The following STRA6 variants were observed in gnomAD, a reference collection of about 807,000 sequenced individuals.
The protein encoded by STRA6 is signaling receptor and transporter of retinol STRA6, also known as receptor for retinol uptake STRA6.
Under a neutral mutation model 83.6 loss-of-function variants are expected in STRA6, and 48 were observed. That is an observed-to-expected ratio of 0.57 (90% confidence interval 0.46 to 0.73). The LOEUF (loss-of-function observed/expected upper bound fraction) is 0.73, where lower values mean the gene tolerates loss of function less well. Among genes scored for constraint, STRA6 ranks in the 30% least tolerant of loss-of-function variants. The pLI is 0.00. For missense variants in STRA6, 760 were observed against 838.8 expected, an observed-to-expected ratio of 0.91 and a Z score of 1.16; for synonymous variants, 353 against 362.3, an observed-to-expected ratio of 0.97 and a Z score of 0.29.
Position 74,183,754 on chromosome 15 carries a change from C to T in STRA6, c.1300+102G>A, listed in dbSNP as rs148978553. ...CTGCCCCAGAGCATTCCCAGACAAACTCTGAGGGCAGTACTTGCTGAGCAC... is the reference window on the plus strand; with the variant it reads ...CTGCCCCAGAGCATTCCCAGACAAATTCTGAGGGCAGTACTTGCTGAGCAC... On this transcript the variant is annotated intron_variant, in intron 14 of 18. Coordinates refer to ENST00000395105, the MANE Select transcript of STRA6 (RefSeq NM_022369.4). 8.7e-6 allele frequency: 14 copies of T among 1,604,214 alleles called. 1 individual carries two copies. Among genetic ancestry groups the T allele is most frequent in the Middle Eastern group, 4.0e-4 (2 of 4,980 alleles).
At position 74,184,829 on chromosome 15, in the gene STRA6, A is replaced by T. The variant is rs1451605771; in HGVS notation, c.1166+151T>A. ...GCAGGACCCAGCCCCACCTTCTCCC[A>T]CTGCAGCGCAGCCACGCACAGGTGG... On this transcript the variant is annotated intron_variant, in intron 13 of 18. Transcript: ENST00000395105. 11 of 752,174 alleles carry T rather than the reference A, an allele frequency of 1.5e-5. No homozygotes were observed. In the East Asian group the frequency reaches 2.8e-4, roughly 19 times the overall value. 46.6% of individuals were successfully genotyped at this position (752,174 alleles called of 1,614,324 possible). A position where few individuals can be genotyped will look rare whatever the true frequency, so the allele number is the denominator to read the frequency against.
At chr15:74,201,965 C>G (rs1215621321) in intron 2 of STRA6, among the ~76,000 whole-genome samples, 190 bp downstream of exon 2, 1 of 152,152 alleles carries the variant, frequency 6.6e-6, no homozygotes, top group Non-Finnish European at 1.5e-5. Flanking sequence ...GGATGTTGTT[C>G]TCATGTAACA....
Position 74,180,191 on chromosome 15 carries a change from C to G in STRA6, c.1893G>C (p.Gly631=), listed in dbSNP as rs2072906541. Residue 631 remains glycine (G), a synonymous_variant, in exon 19 of 19, where the codon GGG becomes GGC. Transcript: ENST00000395105. ...KDSMAKGARP[G]ASRGRARWGL... is the part of the protein sequence containing the mutation. ...CCCAGCGAGCCCTGCCGCGGCTGGCCCCGGGCCTAGCTCCCTTGGCCATGG... is the reference window on the plus strand; with the variant it reads ...CCCAGCGAGCCCTGCCGCGGCTGGCGCCGGGCCTAGCTCCCTTGGCCATGG... 6.2e-7 allele frequency: 1 copy of G among 1,614,034 alleles called. No homozygotes were observed. The highest frequency in any genetic ancestry group is 1.1e-5 in the South Asian group (1 of 91,074).
At chr15:74,185,539 G>A (rs1481454240) in intron 12 of STRA6, among the ~76,000 whole-genome samples, 1 of 152,242 alleles carries the variant, frequency 6.6e-6, no homozygotes, top group Non-Finnish European at 1.5e-5. Flanking sequence ...GGCATAGAGG[G>A]TGTGAGTCCA....
chr15:74,182,642 C>T (rs569773247), intron 14 of STRA6, 182 bp from the exon 15 acceptor site: 1 of 604,580 alleles, frequency 1.7e-6, no homozygotes, highest in Non-Finnish European at 2.9e-6. Flanking sequence ...TCAGTTTCTT[C>T]CTCTGTAAAA....
intron 14 of STRA6, chr15:74,183,616 G>A (rs2073098687): frequency 2.5e-5 from 34 of 1,377,616 alleles, no homozygotes; most frequent in Non-Finnish European, 3.1e-5. Flanking sequence ...GTGGCACCCA[G>A]GGTTCATCTC....
rs556414437 is a variant in STRA6 at position 74,191,319 on chromosome 15, A to C, written c.789-76T>G. 5.7e-4 allele frequency: 918 copies of C among 1,608,716 alleles called. 9 individuals are homozygous for C. The highest frequency in any genetic ancestry group is 2.5e-4 in the Non-Finnish European group (291 of 1,176,158). The stretch of plus-strand genomic sequence containing the variant: ...TGAGGGCCAGCCCCAGAGGCTGGTC[A>C]TTCTTCCCCTCTGCCCCTGCCATGC... On this transcript the variant is annotated intron_variant, in intron 9 of 18. Coordinates refer to ENST00000395105, the MANE Select transcript of STRA6 (RefSeq NM_022369.4).
At chr15:74,201,497 T>C (rs1397046241) in intron 2 of STRA6, among the ~76,000 whole-genome samples, 5 of 152,120 alleles carry the variant, frequency 3.3e-5, no homozygotes, top group Non-Finnish European at 7.4e-5. Flanking sequence ...CCCGGTAGAA[T>C]GGACCCAGGC....
chr15:74,198,295 G>C (rs1238650503), intron 2 of STRA6, among the ~76,000 whole-genome samples: 3 of 151,846 alleles, frequency 2.0e-5, no homozygotes, highest in Admixed American at 1.3e-4. Flanking sequence ...ATTTTTAGTA[G>C]AGACAGGGCC....
chr15:74,182,285 G>C lies in STRA6; in HGVS notation c.1419-23C>G, dbSNP rs1872472. On this transcript the variant is annotated intron_variant, in intron 15 of 18. Transcript: ENST00000395105. ...GGCCTGCCAGTGGGGTGGGGAGGTG[G>C]TCGCTGTTAGCGGACCTCTAAGGAG... 13,806 of 1,614,052 alleles carry C rather than the reference G, an allele frequency of 8.6e-3. 81 individuals are homozygous for C. The highest frequency in any genetic ancestry group is 0.01 in the Non-Finnish European group (12,281 of 1,179,944).
chr15:74,199,932 AG>A (rs1194346519), intron 2 of STRA6, among the ~76,000 whole-genome samples: 2 of 152,138 alleles, frequency 1.3e-5, no homozygotes, highest in African/African-American at 4.8e-5. Context: ...AAAAATGGTT[AG>A]TGGCTGGGAG....
At chr15:74,206,220 T>C (rs1465907033), upstream of STRA6, among the ~76,000 whole-genome samples, 1 of 152,126 alleles carries the variant, frequency 6.6e-6, no homozygotes, top group African/African-American at 2.4e-5. Flanking sequence ...TGCCCCCTCC[T>C]GGCCCCCAGC....
intron 14 of STRA6, chr15:74,183,593 A>G (rs1440980261): frequency 1.5e-6 from 2 of 1,329,998 alleles, no homozygotes; most frequent in Non-Finnish European, 1.9e-6. Flanking sequence ...GTCCACCCCC[A>G]TGTGAATACT....
At chr15:74,184,201 A>G (rs2073131312) in intron 13 of STRA6, among the ~76,000 whole-genome samples, 1 of 152,220 alleles carries the variant, frequency 6.6e-6, no homozygotes, top group Non-Finnish European at 1.5e-5. Flanking sequence ...TGAACGAGGA[A>G]TACAAAACGA....
At chr15:74,209,445 G>A (rs917001577), upstream of STRA6, 26 of 1,535,298 alleles carry the variant, frequency 1.7e-5, no homozygotes, top group East Asian at 7.3e-5. Flanking sequence ...CTTAATAACC[G>A]GATCTGCATC....
rs2073413533 is a variant in STRA6, at chr15:74,189,262, G to C, written c.943C>G (p.Leu315Val). Residue 315 changes from leucine (L) to valine (V), a missense_variant, in exon 12 of 19, where the codon CTG becomes GTG. Physicochemically the swap from Leu to Val is conservative, Grantham distance 32. Transcript: ENST00000395105. ...TGGATAGTGGGTACCACGCCCACCA[G>C]CAGCAGCAGGGCCACCTGGAAGAGC... ...TAIYQVALLL[L>V]VGVVPTIQKV... The C allele has an allele frequency of 1.9e-6, 3 of 1,598,348 alleles. No individual in the cohort carries two copies. The highest frequency in any genetic ancestry group is 1.7e-5 in the Admixed American group (1 of 57,214).
In STRA6 at chr15:74,182,471, C is replaced by T. The variant is rs183848135; in HGVS notation, c.1301-11G>A. The T allele has an allele frequency of 2.0e-4, 324 of 1,601,954 alleles. No homozygotes were observed. The highest frequency in any genetic ancestry group is 1.8e-4 in the Middle Eastern group (1 of 5,568). On this transcript the variant is annotated splice_polypyrimidine_tract_variant and intron_variant, in intron 14 of 18. Coordinates refer to ENST00000395105, the MANE Select transcript of STRA6 (RefSeq NM_022369.4). ...GCTGCACCAGGAGCCCTGCCAGGGG[C>T]GGGAGTGGCAGGGGGACAGAAAACA...
upstream of STRA6, among the ~76,000 whole-genome samples, chr15:74,211,839 G>GTC (rs1203642075): frequency 6.6e-6 from 1 of 151,682 alleles, no homozygotes; most frequent in Non-Finnish European, 1.5e-5. Flanking sequence ...CTTTCCTTCT[G>GTC]TCTCTCTCTA....
At chr15:74,190,700 A>ACT in intron 11 of STRA6, 140 bp downstream of exon 11, 1 of 1,265,784 alleles carries the variant, frequency 7.9e-7, no homozygotes, top group East Asian at 2.4e-5. Context: ...GTAGGCCAGA[A>ACT]CTCCCAAGAT....
Sources: allele counts gnomAD v4.1 joint callset (sites outside exome capture counted in the v4.1 genomes callset), GRCh38; gene constraint gnomAD v4.1.1; transcripts MANE v1.5; gene names NCBI Gene and HGNC (gene_info 2026-07-23, HGNC 2026-07-21).